Variants in SLC2A11 observed in about 807,000 individuals in gnomAD.
SLC2A11 encodes solute carrier family 2 member 11.
Under a neutral mutation model 52.1 loss-of-function variants are expected in SLC2A11, and 43 were observed. The observed-to-expected ratio is 0.82, with a 90% CI of 0.65 to 1.06. The LOEUF is 1.06. Among genes scored for constraint, SLC2A11 ranks in the 50% least tolerant of loss-of-function variants. The pLI is 0.00. For missense variants in SLC2A11, 582 were observed against 654.2 expected (o/e 0.89, Z 1.20); for synonymous variants, 261 against 277.6 (o/e 0.94, Z 0.59).
At chr22:23,866,425 G>A (rs2032268788) in intron 2 of SLC2A11, 1 of 168,910 alleles carries the variant, frequency 5.9e-6, no homozygotes, top group South Asian at 2.0e-4. Context: ...TCTGTCAGGA[G>A]ACCTGCAAAT....
chr22:23,858,162 T>C (rs1365175485), intron 1 of SLC2A11, 133 bp downstream of exon 1: 1 of 1,311,878 alleles, frequency 7.6e-7, no homozygotes. Flanking sequence ...TGCTTGTATG[T>C]ACAGTGGCGT....
At chr22:23,868,099 C>T (rs2032328913) in intron 2 of SLC2A11, 1 of 303,114 alleles carries the variant, frequency 3.3e-6, no homozygotes, top group South Asian at 3.5e-5. Context: ...TGGATAGTGT[C>T]AGAATGGGAT....
In SLC2A11 at chr22:23,884,205, T is replaced by C. The variant is rs2032923631; in HGVS notation, c.1172-97T>C. The C allele has an allele frequency of 3.3e-6, 5 of 1,509,068 alleles. No individual in the cohort carries two copies. In the Admixed American group the frequency reaches 1.1e-4, roughly 34 times the overall value. 93.5% of individuals were successfully genotyped at this position (1,509,068 alleles called of 1,614,324 possible). On this transcript the variant is annotated intron_variant, in intron 10 of 11. Coordinates refer to ENST00000316185, the MANE Select transcript of SLC2A11 (RefSeq NM_001024939.4). This position sits in a 1 kb window ranked among gnomAD's most constrained non-coding sequence, Gnocchi z 4.3. Reference sequence around the variant, plus strand: ...GCACTGAGGGGCCCCCCATACAGACTGGGCCTGGGCTCCCACTCCCATGTC... The same window carrying C: ...GCACTGAGGGGCCCCCCATACAGACCGGGCCTGGGCTCCCACTCCCATGTC...
chr22:23,857,573 C>A, upstream of SLC2A11: 1 of 1,470,296 alleles, frequency 6.8e-7, no homozygotes. Flanking sequence ...GGCGGTGACC[C>A]CAAACCCCCC....
chr22:23,882,902 C>G (rs2032877787), intron 8 of SLC2A11, 33 bp downstream of exon 8: 1 of 1,569,030 alleles, frequency 6.4e-7, no homozygotes, highest in African/African-American at 1.4e-5. Flanking sequence ...CTCCACCAGC[C>G]CTGTGGGGAG....
chr22:23,870,506 A>G (rs2032417439), intron 3 of SLC2A11: 2 of 158,996 alleles, frequency 1.3e-5, no homozygotes, highest in South Asian at 1.9e-4. Context: ...TGCTTTGTTT[A>G]TCACCCAACT....
In SLC2A11 at chr22:23,884,029, G is replaced by T. The variant is rs1167843678; in HGVS notation, c.1171+5G>T. The T allele has an allele frequency of 9.3e-6, 15 of 1,611,638 alleles. No homozygotes were observed. The highest frequency in any genetic ancestry group is 1.3e-5 in the African/African-American group (1 of 74,800). The stretch of plus-strand genomic sequence containing the variant: ...TCAGCTTTGGCATTGGCCCTGGTGA[G>T]TGGGCCCAAGGGGCTCTGGGCATCC... On this transcript the variant is annotated splice_donor_5th_base_variant and intron_variant, in intron 10 of 11. Transcript: ENST00000316185. The surrounding 1 kb of genome is among the most constrained non-coding windows in gnomAD (Gnocchi z 4.3).
Position 23,868,777 on chromosome 22 carries a change from GC to G in SLC2A11, c.290+138del, listed in dbSNP as rs2032356648. 61 of 1,050,830 alleles carry G rather than the reference GC, an allele frequency of 5.8e-5. 4 individuals carry two copies. The South Asian group carries it at 9.9e-4, about 17-fold the overall frequency. 65.1% of individuals were successfully genotyped at this position (1,050,830 alleles called of 1,614,324 possible). A position where few individuals can be genotyped will look rare whatever the true frequency, so the allele number is the denominator to read the frequency against. ...AGCTCCTCATCCAGCCTCTTACTCT[GC>G]CTGGAGTTTCACCTTGCAAGACACG... is the stretch of plus-strand genomic sequence containing the variant. On this transcript the variant is annotated intron_variant, in intron 3 of 11. Transcript: ENST00000316185.
chr22:23,885,183 A>C lies in SLC2A11; in HGVS notation c.*334A>C, dbSNP rs1187433517. ...CCTAGGTAACATAGTGAGACCCCCTATCTCTACAAAAAATTTTAAACATTA... is the reference window on the plus strand; with the variant it reads ...CCTAGGTAACATAGTGAGACCCCCTCTCTCTACAAAAAATTTTAAACATTA... On this transcript the variant is annotated 3_prime_UTR_variant, in exon 12 of 12. Transcript: ENST00000316185. 2.2e-6 allele frequency: 1 copy of C among 445,188 alleles called. No individual in the cohort carries two copies. The highest frequency in any genetic ancestry group is 3.9e-6 in the Non-Finnish European group (1 of 254,878). 27.6% of individuals were successfully genotyped at this position (445,188 alleles called of 1,614,324 possible).
chr22:23,867,076 G>GT (rs2032290915), intron 2 of SLC2A11: 3 of 152,490 alleles, frequency 2.0e-5, no homozygotes, highest in Admixed American at 2.0e-4. Context: ...GGCTGCACAG[G>GT]TGGCTCCCTG....
chr22:23,857,725 C>A, upstream of SLC2A11: 1 of 1,243,624 alleles, frequency 8.0e-7, no homozygotes, highest in African/African-American at 1.5e-5. Flanking sequence ...TGCGCCTGAG[C>A]TTGAGTCTCA....
At position 23,868,660 on chromosome 22, in the gene SLC2A11, C is replaced by G; in HGVS notation, c.290+19C>G. On this transcript the variant is annotated intron_variant, in intron 3 of 11. Coordinates refer to ENST00000316185, the MANE Select transcript of SLC2A11 (RefSeq NM_001024939.4). ...TGGGAAGGTAAGTGCTTCCTGCATA[C>G]CCCCTGAATGCCCTTTAATGAGGAG... The G allele has an allele frequency of 3.1e-6, 5 of 1,613,454 alleles. No homozygotes were observed. Among genetic ancestry groups the G allele is most frequent in the African/African-American group, 1.3e-5 (1 of 75,032 alleles).
At chr22:23,857,073 T>TGTGGGGGGGGGGGG, upstream of SLC2A11, 1 of 407,356 alleles carries the variant, frequency 2.5e-6, no homozygotes, top group Non-Finnish European at 4.0e-6. Context: ...TGTGTGTGTG[T>TGTGGGGGGGGGGGG]GGGGGGGGGG....
chr22:23,866,057 G>C (rs1240423638), intron 2 of SLC2A11: 1 of 152,174 alleles, frequency 6.6e-6, no homozygotes, highest in Non-Finnish European at 1.5e-5. Context: ...TAGTTGTAGG[G>C]ATCTGTGAGG....
At chr22:23,870,027 T>C (rs779175123) in intron 3 of SLC2A11, 68 of 717,468 alleles carry the variant, frequency 9.5e-5, no homozygotes, top group Non-Finnish European at 1.7e-4. Flanking sequence ...TAAATACCGT[T>C]GCATTGGAAA....
chr22:23,884,646 C>A lies in SLC2A11; in HGVS notation c.1300-3C>A. 6.8e-6 allele frequency: 11 copies of A among 1,611,076 alleles called. No homozygotes were observed. Among genetic ancestry groups the A allele is most frequent in the Non-Finnish European group, 9.3e-6 (11 of 1,178,592 alleles). On this transcript the variant is annotated splice_polypyrimidine_tract_variant and splice_region_variant and intron_variant, in intron 11 of 11. Coordinates refer to ENST00000316185, the MANE Select transcript of SLC2A11 (RefSeq NM_001024939.4). The surrounding 1 kb of genome is among the most constrained non-coding windows in gnomAD (Gnocchi z 4.3). ...AGGTCTTGGGGTCTTTTTTAATCCG[C>A]AGGAGGCCTTGTCCCACTTCCTCTA... is the stretch of plus-strand genomic sequence containing the variant.
At chr22:23,863,467 T>C (rs945309598) in intron 2 of SLC2A11, among the ~76,000 whole-genome samples, 3 of 152,156 alleles carry the variant, frequency 2.0e-5, no homozygotes, top group African/African-American at 7.2e-5. Flanking sequence ...CTAACTTGCT[T>C]AAGTAAGAAG....
upstream of SLC2A11, chr22:23,857,097 G>A: frequency 3.9e-6 from 5 of 1,283,786 alleles, no homozygotes; most frequent in South Asian, 6.3e-5. Context: ...TGTAGGTGGG[G>A]CGTGCATAGA....
At chr22:23,857,825 G>T (rs544146620), upstream of SLC2A11, 73 of 1,476,126 alleles carry the variant, frequency 4.9e-5, no homozygotes, top group African/African-American at 9.4e-4. Context: ...CTACAGCTTC[G>T]TCTCGACGGG....
Sources: allele counts gnomAD v4.1 joint callset (sites outside exome capture counted in the v4.1 genomes callset), GRCh38; gene constraint gnomAD v4.1.1; non-coding constraint Gnocchi (gnomAD v3.1); transcripts MANE v1.5; gene names NCBI Gene and HGNC (gene_info 2026-07-23, HGNC 2026-07-21).